The following AKAP7 variants were observed in gnomAD, a reference collection of about 807,000 sequenced individuals.
AKAP7 encodes the protein A-kinase anchoring protein 7, also known as A kinase (PRKA) anchor protein 7.
A neutral mutation model predicts 39.5 loss-of-function variants in AKAP7; 39 were observed. That is an observed-to-expected ratio of 0.99 (90% CI 0.76 to 1.29). The LOEUF is 1.29. AKAP7 is among the 50% of genes most tolerant of loss of function. The pLI, the probability that AKAP7 is intolerant of heterozygous loss-of-function variation, is 0.00. For synonymous variants in AKAP7, 140 were observed against 139.1 expected (o/e 1.01, Z -0.05); for missense variants, 414 against 407.7 (o/e 1.02, Z -0.13).
intron 2 of AKAP7, among the ~76,000 whole-genome samples, chr6:131,145,803 C>T (rs937938109): frequency 2.6e-5 from 4 of 152,162 alleles, no homozygotes; most frequent in South Asian, 2.1e-4. Flanking sequence ...ATCCTCCTGC[C>T]TTGGCCTCCA....
chr6:131,263,634 T>C (rs934479250), intron 7 of AKAP7, among the ~76,000 whole-genome samples: 8 of 152,166 alleles, frequency 5.3e-5, no homozygotes, highest in African/African-American at 1.4e-4. Flanking sequence ...TCTTAAAAGA[T>C]CCATGCAGAG....
Position 131,281,581 on chromosome 6 carries a change from A to C in AKAP7, c.902A>C (p.Lys301Thr), listed in dbSNP as rs1288356221. The C allele has an allele frequency of 6.2e-7, 1 of 1,613,466 alleles. No homozygotes were observed. The highest frequency in any genetic ancestry group is 8.5e-7 in the Non-Finnish European group (1 of 1,179,646). ...GACGCTGAACTAGTAAGGCTCAGTA[A>C]GAGGCTGGTGGAGAACGCGGTGCTC... ...PDDAELVRLS[K>T]RLVENAVLKA... The change falls in exon 8 of 8, where the codon AAG becomes ACG. Residue 301 changes from lysine (K) to threonine (T), a missense_variant. Physicochemically the swap from Lys to Thr is moderately conservative, Grantham distance 78. Coordinates refer to ENST00000431975, the MANE Select transcript of AKAP7 (RefSeq NM_016377.4). This position sits in a 1 kb window ranked among gnomAD's most constrained non-coding sequence, Gnocchi z 4.0.
At chr6:131,233,533 T>C (rs1214353076) in intron 7 of AKAP7, among the ~76,000 whole-genome samples, 1 of 152,194 alleles carries the variant, frequency 6.6e-6, no homozygotes, top group African/African-American at 2.4e-5. Flanking sequence ...CCTATTATTA[T>C]TGTGGTAGAA....
At chr6:131,173,906 A>G (rs969324996) in intron 5 of AKAP7, among the ~76,000 whole-genome samples, 1 of 152,216 alleles carries the variant, frequency 6.6e-6, no homozygotes, top group African/African-American at 2.4e-5. Context: ...CTTTGCAAAT[A>G]TTCTCACAAA....
chr6:131,191,361 T>C (rs1806386863), intron 5 of AKAP7, among the ~76,000 whole-genome samples: 1 of 152,146 alleles, frequency 6.6e-6, no homozygotes, highest in Non-Finnish European at 1.5e-5. Flanking sequence ...AAAAGAGAAG[T>C]TTTGGTAATT....
intron 7 of AKAP7, among the ~76,000 whole-genome samples, chr6:131,270,607 C>T (rs567707862): frequency 1.1e-4 from 17 of 152,222 alleles, no homozygotes; most frequent in East Asian, 1.9e-4. Context: ...TAATGGGTTG[C>T]GTTGTAAGAA....
At chr6:131,195,782 A>T (rs543184477) in intron 5 of AKAP7, among the ~76,000 whole-genome samples, 1 of 152,278 alleles carries the variant, frequency 6.6e-6, no homozygotes, top group Non-Finnish European at 1.5e-5. Flanking sequence ...CTCCTGGCCT[A>T]TAAAGTTTCC....
chr6:131,269,478 T>C (rs1459292369), intron 7 of AKAP7, among the ~76,000 whole-genome samples: 2 of 152,066 alleles, frequency 1.3e-5, no homozygotes, highest in Non-Finnish European at 2.9e-5. Flanking sequence ...CCTGAACAAA[T>C]ACAGGAACCA....
chr6:131,223,043 T>C (rs1418387549), intron 7 of AKAP7, among the ~76,000 whole-genome samples: 1 of 152,242 alleles, frequency 6.6e-6, no homozygotes, highest in Non-Finnish European at 1.5e-5. Context: ...CAGATGATTG[T>C]AAGCATTTTT....
chr6:131,153,381 A>G (rs1255451374), intron 2 of AKAP7, among the ~76,000 whole-genome samples: 1 of 152,194 alleles, frequency 6.6e-6, no homozygotes, highest in African/African-American at 2.4e-5. Flanking sequence ...TATTGGTAAA[A>G]TTATAGAAAA....
intron 3 of AKAP7, among the ~76,000 whole-genome samples, chr6:131,162,642 T>A (rs1803088824): frequency 6.6e-6 from 1 of 152,214 alleles, no homozygotes; most frequent in Admixed American, 6.5e-5. Context: ...TTTGTCGTTG[T>A]TCGTCTCTCC....
intron 7 of AKAP7, among the ~76,000 whole-genome samples, chr6:131,273,074 A>T (rs1383139869): frequency 6.6e-6 from 1 of 152,126 alleles, no homozygotes; most frequent in African/African-American, 2.4e-5. Flanking sequence ...TGATTCCCTC[A>T]TTATTATATA....
At chr6:131,178,853 C>T (rs1161156468) in intron 5 of AKAP7, among the ~76,000 whole-genome samples, 5 of 152,170 alleles carry the variant, frequency 3.3e-5, no homozygotes, top group Admixed American at 3.3e-4. Context: ...CCACAATATC[C>T]TCCATGTTCT....
chr6:131,131,465 T>C (rs868281323), upstream of AKAP7, among the ~76,000 whole-genome samples: 1 of 70,898 alleles, frequency 1.4e-5, no homozygotes, highest in African/African-American at 4.6e-5. Context: ...TTCTCTTTCT[T>C]TCTTTTTTTT....
rs1815227437 is a variant in AKAP7, at chr6:131,281,872, T to G, written c.*146T>G. 2 of 1,278,770 alleles carry G rather than the reference T, an allele frequency of 1.6e-6. No homozygotes were observed. The highest frequency in any genetic ancestry group is 2.0e-6 in the Non-Finnish European group (2 of 1,008,142). The allele number at this position is 1,278,770 out of a possible 1,614,324, so 79.2% of individuals were successfully genotyped here. A position where few individuals can be genotyped will look rare whatever the true frequency, so the allele number is the denominator to read the frequency against. Reference sequence around the variant, plus strand: ...TGCCTAATACTTTTCATGATCGATGTGTTCGCATTGCTGAAACACAACAGA... The same window carrying G: ...TGCCTAATACTTTTCATGATCGATGGGTTCGCATTGCTGAAACACAACAGA... On this transcript the variant is annotated 3_prime_UTR_variant, in exon 8 of 8. Transcript: ENST00000431975. This position sits in a 1 kb window ranked among gnomAD's most constrained non-coding sequence, Gnocchi z 4.0.
rs1815230516 is a variant in AKAP7 at position 131,281,910 on chromosome 6, TGCTGGGACTG to T, written c.*187_*196del. 13 of 1,250,114 alleles carry T rather than the reference TGCTGGGACTG, an allele frequency of 1.0e-5. No individual in the cohort carries two copies. Among genetic ancestry groups the T allele is most frequent in the Non-Finnish European group, 1.3e-5 (13 of 995,372 alleles). The allele number at this position is 1,250,114 out of a possible 1,614,324, so 77.4% of individuals were successfully genotyped here. ...GAAACACAACAGAAGAAAAATGGAG[TGCTGGGACTG>T]GCAGAGGAAATTAATTGATGAAAGA... On this transcript the variant is annotated 3_prime_UTR_variant, in exon 8 of 8. Coordinates refer to ENST00000431975, the MANE Select transcript of AKAP7 (RefSeq NM_016377.4). This position sits in a 1 kb window ranked among gnomAD's most constrained non-coding sequence, Gnocchi z 4.0.
At chr6:131,244,543 A>C (rs1370166310) in intron 7 of AKAP7, among the ~76,000 whole-genome samples, 1 of 152,176 alleles carries the variant, frequency 6.6e-6, no homozygotes, top group African/African-American at 2.4e-5. Context: ...CAGGGAGATA[A>C]ATTTTCCTCC....
intron 7 of AKAP7, among the ~76,000 whole-genome samples, chr6:131,232,775 A>G (rs534271242): frequency 6.6e-6 from 1 of 152,240 alleles, no homozygotes; most frequent in African/African-American, 2.4e-5. Context: ...TTGAGGGACA[A>G]AGCAAGACTG....
intron 6 of AKAP7, among the ~76,000 whole-genome samples, chr6:131,200,601 A>G (rs1004596420): frequency 2.0e-5 from 3 of 152,082 alleles, no homozygotes; most frequent in African/African-American, 7.2e-5. Context: ...TCACCATCCT[A>G]TAGTTAAGAG....
Sources: allele counts gnomAD v4.1 joint callset (sites outside exome capture counted in the v4.1 genomes callset), GRCh38; gene constraint gnomAD v4.1.1; non-coding constraint Gnocchi (gnomAD v3.1); transcripts MANE v1.5; gene names NCBI Gene and HGNC (gene_info 2026-07-23, HGNC 2026-07-21).